Variants in PFKP observed in about 807,000 individuals in gnomAD.
PFKP encodes ATP-dependent 6-phosphofructokinase, platelet type.
A neutral mutation model predicts 94.3 loss-of-function variants in PFKP; 101 were observed. The observed-to-expected ratio is 1.07, with a 90% CI of 0.91 to 1.26. PFKP has a LOEUF of 1.26. PFKP is among the 50% of genes most tolerant of loss of function. The pLI, the probability that PFKP is intolerant of heterozygous loss-of-function variation, is 0.00. For missense variants in PFKP, 1,145 were observed against 1,103.3 expected, an observed-to-expected ratio of 1.04 and a Z score of -0.53; for synonymous variants, 573 against 432.6, an observed-to-expected ratio of 1.32 and a Z score of -4.03.
chr10:3,104,025 C>T, intron 5 of PFKP, 81 bp downstream of exon 5: 1 of 1,338,132 alleles, frequency 7.5e-7, no homozygotes, highest in African/African-American at 1.4e-5. Context: ...GGCTCTAGAA[C>T]ATTCTGCAGA....
chr10:3,123,807 G>A (rs1247877545), intron 16 of PFKP, among the ~76,000 whole-genome samples: 1 of 152,244 alleles, frequency 6.6e-6, no homozygotes, highest in South Asian at 2.1e-4. Context: ...TTGGATTGAA[G>A]TCCTGCAAAA....
chr10:3,107,695 T>A, intron 8 of PFKP: 1 of 972,252 alleles, frequency 1.0e-6, no homozygotes, highest in Non-Finnish European at 1.2e-6. Context: ...AAAGGCGGCG[T>A]CTTGCTATTC....
intron 9 of PFKP, among the ~76,000 whole-genome samples, chr10:3,109,025 G>A (rs1835899858): frequency 6.6e-6 from 1 of 151,866 alleles, no homozygotes. Flanking sequence ...GCTTGGTGTT[G>A]GCACGACGTG....
chr10:3,124,395 T>C (rs1323675039), intron 16 of PFKP, among the ~76,000 whole-genome samples: 2 of 152,292 alleles, frequency 1.3e-5, no homozygotes, highest in South Asian at 4.1e-4. Flanking sequence ...AAAACCCCGG[T>C]GTACACGGGC....
chr10:3,098,026 A>C (rs1201559812), intron 2 of PFKP, among the ~76,000 whole-genome samples: 1 of 150,438 alleles, frequency 6.6e-6, no homozygotes, highest in African/African-American at 2.5e-5. Context: ...AAATAAAATA[A>C]ACACACATAT....
At chr10:3,095,510 C>T (rs1428226093) in intron 2 of PFKP, among the ~76,000 whole-genome samples, 1 of 152,190 alleles carries the variant, frequency 6.6e-6, no homozygotes, top group African/African-American at 2.4e-5. Flanking sequence ...CTCTAAGGTT[C>T]ATCTTGTGAG....
chr10:3,084,871 CT>C (rs1406778635), intron 2 of PFKP, among the ~76,000 whole-genome samples: 2 of 134,308 alleles, frequency 1.5e-5, no homozygotes, highest in Non-Finnish European at 3.2e-5. Context: ...CGGTCCCCCA[CT>C]CCACTCTCCA....
chr10:3,134,386 A>AT, intron 19 of PFKP, 97 bp from the exon 20 acceptor site: 1 of 773,464 alleles, frequency 1.3e-6, no homozygotes, highest in Non-Finnish European at 2.2e-6. Context: ...ACCTAGAAAT[A>AT]AAAACATGAA....
At chr10:3,086,184 C>T (rs1377737887) in intron 2 of PFKP, among the ~76,000 whole-genome samples, 1 of 152,176 alleles carries the variant, frequency 6.6e-6, no homozygotes, top group Non-Finnish European at 1.5e-5. Flanking sequence ...GAATGTTTCC[C>T]AGGATGCCTT....
At chr10:3,119,126 C>G (rs533170960) in intron 15 of PFKP, among the ~76,000 whole-genome samples, 1 of 132,124 alleles carries the variant, frequency 7.6e-6, no homozygotes, top group South Asian at 2.2e-4. Flanking sequence ...ATTCAGTGAG[C>G]TCTTAATGTA....
intron 5 of PFKP, 24 bp downstream of exon 5, chr10:3,103,968 G>A (rs750213100): frequency 6.2e-5 from 100 of 1,608,802 alleles, no homozygotes; most frequent in African/African-American, 8.0e-5. Context: ...AGGAACCGGC[G>A]GGAGGCCAGT....
At chr10:3,120,108 T>A in intron 16 of PFKP, 64 bp downstream of exon 16, 1 of 1,386,372 alleles carries the variant, frequency 7.2e-7, no homozygotes, top group Admixed American at 1.7e-5. Context: ...CCCCGGCCCT[T>A]TTTATCTACC....
Position 3,120,031 on chromosome 10 carries a change from A to T in PFKP, c.1670A>T (p.Asn557Ile). The change falls in exon 16 of 22, where the codon AAC (asparagine) becomes ATC (isoleucine). Residue 557 changes from asparagine to isoleucine, a missense_variant. Asn to Ile is a moderately radical substitution (Grantham distance 149). Transcript: ENST00000381125. ...DFSIGADTALNTITDTCDRIK... is the reference protein window; with the variant it reads ...DFSIGADTALITITDTCDRIK... ...AGCATCGGGGCAGACACCGCCCTGAACACTATCACCGACGTAAGTCCGTGT... is the reference window on the plus strand; with the variant it reads ...AGCATCGGGGCAGACACCGCCCTGATCACTATCACCGACGTAAGTCCGTGT... 1.9e-6 allele frequency: 3 copies of T among 1,614,024 alleles called. No homozygotes were observed. Among genetic ancestry groups the T allele is most frequent in the Non-Finnish European group, 2.5e-6 (3 of 1,180,012 alleles).
intron 8 of PFKP, chr10:3,107,948 C>T (rs1274543126): frequency 7.8e-7 from 1 of 1,289,636 alleles, no homozygotes; most frequent in Non-Finnish European, 1.0e-6. Flanking sequence ...AGCCACGGGG[C>T]AGAAGACGTC....
chr10:3,089,456 T>C (rs1468714363), intron 2 of PFKP, among the ~76,000 whole-genome samples: 1 of 152,090 alleles, frequency 6.6e-6, no homozygotes, highest in Non-Finnish European at 1.5e-5. Flanking sequence ...TCTCGGGGTA[T>C]ATGCCCAGCA....
intron 16 of PFKP, among the ~76,000 whole-genome samples, chr10:3,126,940 CA>C (rs1231751161): frequency 2.0e-5 from 3 of 152,224 alleles, no homozygotes; most frequent in African/African-American, 7.2e-5. Flanking sequence ...TGACAAGTGC[CA>C]CTCACAGCTG....
chr10:3,084,726 AGCCCCTCCCCAGGAGAGT>A (rs1833362061), intron 2 of PFKP, among the ~76,000 whole-genome samples: 1 of 132,514 alleles, frequency 7.5e-6, no homozygotes, highest in African/African-American at 2.6e-5. Flanking sequence ...AGAGTCCTCC[AGCCCCTCCCCAGGAGAGT>A]CCTCCAGCCC....
chr10:3,115,069 C>T (rs987989946), intron 13 of PFKP, among the ~76,000 whole-genome samples: 3 of 152,180 alleles, frequency 2.0e-5, no homozygotes, highest in Non-Finnish European at 2.9e-5. Flanking sequence ...TTGCTAAGTA[C>T]ACGCAGGCAT....
chr10:3,132,898 C>T (rs758471759), intron 18 of PFKP, among the ~76,000 whole-genome samples: 7 of 130,362 alleles, frequency 5.4e-5, no homozygotes, highest in African/African-American at 9.1e-5. Flanking sequence ...GGATGATTGA[C>T]GTTCTGGGTG....
Sources: allele counts gnomAD v4.1 joint callset (sites outside exome capture counted in the v4.1 genomes callset), GRCh38; gene constraint gnomAD v4.1.1; transcripts MANE v1.5; gene names NCBI Gene and HGNC (gene_info 2026-07-23, HGNC 2026-07-21).